The following FLT1 variants were observed in gnomAD, a reference collection of about 807,000 sequenced individuals.
FLT1 encodes the protein fms related receptor tyrosine kinase 1.
A neutral mutation model predicts 156.3 loss-of-function variants in FLT1; 49 were observed. The observed-to-expected ratio is 0.31, with a 90% CI of 0.25 to 0.40. The LOEUF (loss-of-function observed/expected upper bound fraction) is 0.40, where lower values mean the gene tolerates loss of function less well. Among genes scored for constraint, FLT1 ranks in the 10% least tolerant of loss-of-function variants. The pLI is 1.00. For missense variants in FLT1, 1,322 were observed against 1,637.2 expected (o/e 0.81, Z 3.32); for synonymous variants, 594 against 583.8 (o/e 1.02, Z -0.25).
At chr13:28,357,434 G>A (rs773732144) in intron 15 of FLT1, 120 bp downstream of exon 15, 2 of 999,930 alleles carry the variant, frequency 2.0e-6, no homozygotes, top group Non-Finnish European at 1.6e-6. Context: ...GAGGGGAGAA[G>A]GAGGTCAGGG....
chr13:28,453,609 C>T (rs1879105926), intron 3 of FLT1, among the ~76,000 whole-genome samples: 1 of 152,088 alleles, frequency 6.6e-6, no homozygotes. Flanking sequence ...CCTGTTAAAT[C>T]TCATTTTGCT....
intron 14 of FLT1, chr13:28,368,647 C>A: frequency 9.2e-7 from 1 of 1,082,730 alleles, no homozygotes; most frequent in Non-Finnish European, 1.4e-6. Flanking sequence ...ACGATGGTGA[C>A]GTTGATGTAT....
intron 3 of FLT1, among the ~76,000 whole-genome samples, chr13:28,450,960 G>C (rs1878894757): frequency 6.6e-6 from 1 of 152,180 alleles, no homozygotes; most frequent in Non-Finnish European, 1.5e-5. Flanking sequence ...GGAGAAATGA[G>C]GGCCCAGAAA....
chr13:28,428,729 G>T (rs1189716671), intron 8 of FLT1, among the ~76,000 whole-genome samples: 1 of 152,034 alleles, frequency 6.6e-6, no homozygotes, highest in Non-Finnish European at 1.5e-5. Flanking sequence ...TAAAATGCAT[G>T]GTTCTTTAAA....
chr13:28,401,162 G>C (rs1355316524), intron 11 of FLT1, among the ~76,000 whole-genome samples: 1 of 152,052 alleles, frequency 6.6e-6, no homozygotes. Flanking sequence ...AGAAGCAGAG[G>C]TTGCAGTGAG....
Position 28,431,281 on chromosome 13 carries a change from T to C in FLT1, c.843A>G (p.Arg281=), listed in dbSNP as rs1232159761. The C allele has an allele frequency of 7.4e-6, 12 of 1,613,906 alleles. No individual in the cohort carries two copies. Among genetic ancestry groups the C allele is most frequent in the Non-Finnish European group, 8.5e-6 (10 of 1,179,774 alleles). The change falls in exon 7 of 30, where the codon CGA becomes CGG. Residue 281 remains arginine (R), a synonymous_variant. Coordinates refer to ENST00000282397, the MANE Select transcript of FLT1 (RefSeq NM_002019.4). ...TGGCATGGGAATTGCTTTGGTCAAT[T>C]CGTCGCCTTACGGAAGCTCTCTTAT... ...EKNKRASVRR[R]IDQSNSHANI...
intron 13 of FLT1, chr13:28,388,468 A>G: frequency 9.6e-7 from 1 of 1,040,264 alleles, no homozygotes; most frequent in Non-Finnish European, 1.2e-6. Flanking sequence ...TTTTTTTTAA[A>G]TAGTTTATGC....
At chr13:28,313,692 C>A (rs1593671160) in intron 25 of FLT1, among the ~76,000 whole-genome samples, 1 of 152,132 alleles carries the variant, frequency 6.6e-6, no homozygotes, top group East Asian at 1.9e-4. Flanking sequence ...AGCTGTACTG[C>A]AGACATTACT....
At chr13:28,390,430 A>C (rs551299862) in intron 12 of FLT1, among the ~76,000 whole-genome samples, 1 of 151,960 alleles carries the variant, frequency 6.6e-6, no homozygotes, top group Non-Finnish European at 1.5e-5. Flanking sequence ...GGGTCTTGCT[A>C]TGTTGCCCAG....
chr13:28,383,126 A>G (rs11841683), intron 14 of FLT1, among the ~76,000 whole-genome samples: 1,581 of 152,274 alleles, frequency 0.01, 30 homozygotes, highest in African/African-American at 0.036. Flanking sequence ...AGATTTATGA[A>G]GCAGGCAATA....
intron 15 of FLT1, among the ~76,000 whole-genome samples, chr13:28,352,335 T>C (rs1176708351): frequency 6.6e-6 from 1 of 152,218 alleles, no homozygotes; most frequent in Non-Finnish European, 1.5e-5. Flanking sequence ...CTTAAAATAG[T>C]GCACTGCATG....
chr13:28,464,820 T>C (rs917643734), intron 3 of FLT1, among the ~76,000 whole-genome samples: 1 of 152,194 alleles, frequency 6.6e-6, no homozygotes, highest in African/African-American at 2.4e-5. Context: ...AAGGTGAAAA[T>C]AGCTGAACAC....
chr13:28,494,713 G>C (rs896063920), intron 1 of FLT1, 67 bp downstream of exon 1: 30 of 1,308,256 alleles, frequency 2.3e-5, no homozygotes, highest in African/African-American at 6.0e-5. Context: ...CCCTGGCCTC[G>C]GAGGCTCTGC....
intron 3 of FLT1, among the ~76,000 whole-genome samples, chr13:28,448,656 A>G (rs34140996): frequency 0.26 from 39,201 of 152,132 alleles, 5,327 homozygotes; most frequent in Non-Finnish European, 0.31. Flanking sequence ...ACAATGACAT[A>G]TTCTAAAATT....
intron 7 of FLT1, 31 bp from the exon 8 acceptor site, chr13:28,430,198 A>G (rs1328445541): frequency 2.0e-6 from 3 of 1,494,288 alleles, no homozygotes; most frequent in Non-Finnish European, 2.8e-6. Context: ...CATACATTAG[A>G]AAAGAATAAT....
intron 14 of FLT1, chr13:28,368,703 C>CTTTTTT: frequency 2.7e-5 from 15 of 565,794 alleles, no homozygotes; most frequent in Admixed American, 6.1e-5. Flanking sequence ...AGATTGGCAG[C>CTTTTTT]TTTTTTTTTT....
chr13:28,425,164 G>A (rs889543148), intron 10 of FLT1, among the ~76,000 whole-genome samples: 1 of 152,088 alleles, frequency 6.6e-6, no homozygotes. Flanking sequence ...AATGTACATC[G>A]AGCTGTCATT....
At chr13:28,338,543 C>T (rs964785778) in intron 17 of FLT1, among the ~76,000 whole-genome samples, 1 of 152,164 alleles carries the variant, frequency 6.6e-6, no homozygotes, top group South Asian at 2.1e-4. Context: ...ATCTGCCCTA[C>T]CTGGAAAACA....
chr13:28,331,614 T>C lies in FLT1; in HGVS notation c.2594-1886A>G, dbSNP rs561539319. On this transcript the variant is annotated intron_variant, in intron 18 of 29. Coordinates refer to ENST00000282397, the MANE Select transcript of FLT1 (RefSeq NM_002019.4). Reference sequence around the variant, plus strand: ...CCCGGCTAATTTTTGTATTTTTTATTAGAGATGGGATTTTGCCATATTGGC... The same window carrying C: ...CCCGGCTAATTTTTGTATTTTTTATCAGAGATGGGATTTTGCCATATTGGC... Among the ~76,000 whole-genome samples the C allele has an allele frequency of 3.4e-4, 51 of 152,220 alleles. 1 individual carries two copies. The South Asian group carries it at 9.7e-3, about 29-fold the overall frequency.
Sources: allele counts gnomAD v4.1 joint callset (sites outside exome capture counted in the v4.1 genomes callset), GRCh38; gene constraint gnomAD v4.1.1; transcripts MANE v1.5; gene names NCBI Gene and HGNC (gene_info 2026-07-23, HGNC 2026-07-21).